ZFP1: variants seen among roughly 807,000 people sequenced by gnomAD.
ZFP1 encodes zinc finger protein 1 homolog.
In ZFP1, 32 loss-of-function variants were observed where a neutral mutation model predicts 38.5. That is an observed-to-expected ratio of 0.83 (90% CI 0.63 to 1.12). The LOEUF (loss-of-function observed/expected upper bound fraction) is 1.12, where lower values mean the gene tolerates loss of function less well. ZFP1 is among the 50% of genes most tolerant of loss of function. ZFP1 has a pLI of 0.00. For synonymous variants in ZFP1, 245 were observed against 168.8 expected (o/e 1.45, Z -3.50); for missense variants, 616 against 480.8 (o/e 1.28, Z -2.63).
upstream of ZFP1, among the ~76,000 whole-genome samples, chr16:75,144,372 A>G (rs2145478406): frequency 6.6e-6 from 1 of 152,316 alleles, no homozygotes; most frequent in East Asian, 1.9e-4. Flanking sequence ...CGTGGGTAAT[A>G]CACATTATCC....
upstream of ZFP1, among the ~76,000 whole-genome samples, chr16:75,145,217 A>G (rs2036930147): frequency 6.6e-6 from 1 of 152,234 alleles, no homozygotes; most frequent in Admixed American, 6.5e-5. Flanking sequence ...AATTAAAAGC[A>G]AGCTGCTACC....
chr16:75,160,847 T>C (rs2037734320), intron 2 of ZFP1, among the ~76,000 whole-genome samples: 1 of 151,764 alleles, frequency 6.6e-6, no homozygotes, highest in African/African-American at 2.4e-5. Context: ...GGAGATGAAC[T>C]CCTTTCATCA....
rs1420437518 is a variant in ZFP1, at chr16:75,171,715, A to G, written c.*1381A>G. 1.3e-5 allele frequency: 2 copies of G among 152,346 alleles called. No homozygotes were observed. The highest frequency in any genetic ancestry group is 1.9e-4 in the East Asian group (1 of 5,188). The allele number at this position is 152,346 out of a possible 1,614,324, so 9.4% of individuals were successfully genotyped here. On this transcript the variant is annotated 3_prime_UTR_variant, in exon 4 of 4. Coordinates refer to ENST00000570010, the MANE Select transcript of ZFP1 (RefSeq NM_153688.4). ...CTTTTAAAAAATATTTTTGGATATC[A>G]TTGATGTGCTGTCACACTATATATT...
chr16:75,137,652 G>C, the ZFP1 span, among the ~76,000 whole-genome samples: 4 of 151,772 alleles, frequency 2.6e-5, 1 homozygote, highest in South Asian at 4.2e-4. Context: ...ATTTTTAGTA[G>C]AGACGGGGTT....
chr16:75,119,845 T>C, the ZFP1 span, among the ~76,000 whole-genome samples: 1 of 151,480 alleles, frequency 6.6e-6, no homozygotes, highest in African/African-American at 2.4e-5. Flanking sequence ...GTGGCTAAAT[T>C]CACACACACA....
chr16:75,132,303 C>T, the ZFP1 span, among the ~76,000 whole-genome samples: 2 of 151,424 alleles, frequency 1.3e-5, no homozygotes, highest in African/African-American at 2.4e-5. Flanking sequence ...GTGGGAGGAT[C>T]ACTTGAGTCT....
upstream of ZFP1, among the ~76,000 whole-genome samples, chr16:75,148,327 C>G (rs554590987): frequency 4.6e-5 from 7 of 152,162 alleles, no homozygotes; most frequent in Non-Finnish European, 8.8e-5. Flanking sequence ...ACAGTGCAGG[C>G]TAAGGAGATT....
the ZFP1 span, among the ~76,000 whole-genome samples, chr16:75,127,397 G>GA: frequency 0.056 from 8,513 of 152,066 alleles, 824 homozygotes; most frequent in African/African-American, 0.19. Context: ...CTCTGTCTCA[G>GA]AAAAAAAGCA....
the ZFP1 span, among the ~76,000 whole-genome samples, chr16:75,119,951 T>TTTTGACTACTA: frequency 6.6e-6 from 1 of 152,208 alleles, no homozygotes; most frequent in Non-Finnish European, 1.5e-5. Flanking sequence ...TAAGTGGCTT[T>TTTTGACTACTA]AGTTACACAA....
In ZFP1 at chr16:75,159,325, C is replaced by T. The variant is rs1163551942; in HGVS notation, c.15+6359C>T. 5.7e-4 allele frequency among the ~76,000 whole-genome samples: 3 copies of T among 5,282 alleles called. No individual in the cohort carries two copies. The Admixed American group carries it at 7.7e-3, about 14-fold the overall frequency. The allele number at this position is 5,282 out of a possible 152,430, so 3.5% of individuals were successfully genotyped here. On this transcript the variant is annotated intron_variant, in intron 2 of 3. Coordinates refer to ENST00000570010, the MANE Select transcript of ZFP1 (RefSeq NM_153688.4). ...CTCCCTTCCCTCCTTTCCCTCCTTT[C>T]CCTCCCTCCCTCCCTCCCTCCCTCC...
At chr16:75,141,642 T>C in the ZFP1 span, among the ~76,000 whole-genome samples, 12 of 151,820 alleles carry the variant, frequency 7.9e-5, no homozygotes, top group South Asian at 2.1e-4. Flanking sequence ...CCCAGTGCTT[T>C]GAGAGGCCAA....
chr16:75,138,146 C>A, the ZFP1 span, among the ~76,000 whole-genome samples: 2 of 145,694 alleles, frequency 1.4e-5, no homozygotes, highest in East Asian at 2.2e-4. Flanking sequence ...AAGTGATTCT[C>A]CTGCCTCAGC....
intron 1 of ZFP1, 60 bp from the exon 2 acceptor site, chr16:75,152,849 A>C: frequency 6.7e-7 from 1 of 1,488,372 alleles, no homozygotes; most frequent in Non-Finnish European, 9.2e-7. Context: ...AAGTCATTCT[A>C]GGAGTTGTAA....
At chr16:75,154,692 C>T (rs555251947) in intron 2 of ZFP1, among the ~76,000 whole-genome samples, 1 of 151,862 alleles carries the variant, frequency 6.6e-6, no homozygotes, top group East Asian at 1.9e-4. Context: ...GGCTCCAAAG[C>T]CGAGAGAGGG....
chr16:75,153,765 T>C lies in ZFP1; in HGVS notation c.15+799T>C, dbSNP rs372004451. ...TGTACATTCTGTGTATTTTGACCAA[T>C]ATATAATGACATGTATCCATCACTA... On this transcript the variant is annotated intron_variant, in intron 2 of 3. Transcript: ENST00000570010. Among the ~76,000 whole-genome samples, 8 of 152,324 alleles carry C rather than the reference T, an allele frequency of 5.3e-5. No homozygotes were observed. The East Asian group carries it at 1.3e-3, about 26-fold the overall frequency.
At chr16:75,140,204 G>A in the ZFP1 span, among the ~76,000 whole-genome samples, 15 of 152,010 alleles carry the variant, frequency 9.9e-5, no homozygotes, top group South Asian at 1.5e-3. Flanking sequence ...AGAGGTAGAC[G>A]TTGCGGTGAG....
rs1329594878 is a variant in ZFP1, at chr16:75,170,530, T to A, written c.*196T>A. The A allele has an allele frequency of 1.3e-6, 1 of 767,716 alleles. No individual in the cohort carries two copies. The highest frequency in any genetic ancestry group is 3.5e-5 in the Admixed American group (1 of 28,326). 47.6% of individuals were successfully genotyped at this position (767,716 alleles called of 1,614,324 possible). ...GTGATACCCAGCTAAAGAATACATATCAGAATATATCCAGTTGTAAATAGC... is the reference window on the plus strand; with the variant it reads ...GTGATACCCAGCTAAAGAATACATAACAGAATATATCCAGTTGTAAATAGC... On this transcript the variant is annotated 3_prime_UTR_variant, in exon 4 of 4. Coordinates refer to ENST00000570010, the MANE Select transcript of ZFP1 (RefSeq NM_153688.4).
At chr16:75,119,182 G>C in the ZFP1 span, among the ~76,000 whole-genome samples, 1 of 152,292 alleles carries the variant, frequency 6.6e-6, no homozygotes. Flanking sequence ...ACCTTTCTCA[G>C]ATTTGGGGGG....
chr16:75,162,033 C>A (rs777657608), intron 2 of ZFP1, among the ~76,000 whole-genome samples: 4 of 151,472 alleles, frequency 2.6e-5, no homozygotes, highest in Non-Finnish European at 4.4e-5. Context: ...GATCCGCCTA[C>A]CTCGGCCTCC....
Sources: gnomAD v4.1 joint callset for allele counts (sites outside exome capture counted in the v4.1 genomes callset) on GRCh38, gnomAD v4.1.1 for gene constraint, MANE v1.5 for transcripts, NCBI Gene and HGNC (gene_info 2026-07-23, HGNC 2026-07-21) for gene names.